SYNDIG1L: variants seen among roughly 807,000 people sequenced by gnomAD.
SYNDIG1L encodes synapse differentiation inducing 1 like.
SYNDIG1L carries 13 observed loss-of-function variants against 20.1 expected under a neutral mutation model. That is an observed-to-expected ratio of 0.65 (90% confidence interval 0.42 to 1.03). The LOEUF (loss-of-function observed/expected upper bound fraction) is 1.03. SYNDIG1L is among the 50% of genes least tolerant of loss of function. The probability of loss-of-function intolerance (pLI) is 0.00; values close to 1 mark genes in which losing one functional copy is unlikely to be tolerated. For missense variants in SYNDIG1L, 294 were observed against 305.1 expected, an observed-to-expected ratio of 0.96 and a Z score of 0.27; for synonymous variants, 128 against 129.3, an observed-to-expected ratio of 0.99 and a Z score of 0.07.
Position 74,407,487 on chromosome 14 carries a change from T to C in SYNDIG1L, c.*48A>G. On this transcript the variant is annotated 3_prime_UTR_variant, in exon 4 of 4. Coordinates refer to ENST00000331628, the MANE Select transcript of SYNDIG1L (RefSeq NM_001105579.2). ...TAGGGTCTGCAACTCCAAGCCCCAC[T>C]GCTTCCTCAGGTGGGCAGGGGAGTC... is the stretch of plus-strand genomic sequence containing the variant. The C allele has an allele frequency of 6.2e-7, 1 of 1,610,070 alleles. No individual in the cohort carries two copies.
intron 1 of SYNDIG1L, among the ~76,000 whole-genome samples, chr14:74,424,393 G>A (rs1417919611): frequency 1.3e-5 from 2 of 151,908 alleles, no homozygotes; most frequent in Non-Finnish European, 2.9e-5. Flanking sequence ...TTTTACACCC[G>A]ATTACCGAGT....
the SYNDIG1L span, chr14:74,480,019 G>A: frequency 4.1e-6 from 6 of 1,457,710 alleles, no homozygotes; most frequent in African/African-American, 7.2e-5. Context: ...AGTTAATGTT[G>A]TTAAAAAAAA....
intron 1 of SYNDIG1L, among the ~76,000 whole-genome samples, chr14:74,419,293 TC>T (rs2086202501): frequency 6.6e-6 from 1 of 152,212 alleles, no homozygotes; most frequent in Non-Finnish European, 1.5e-5. Context: ...AGCGTCTTTC[TC>T]CTTCACCAGA....
the SYNDIG1L span, among the ~76,000 whole-genome samples, chr14:74,449,438 C>CAAAAAAAAAAAAAAAAA: frequency 4.1e-4 from 14 of 34,016 alleles, 3 homozygotes; most frequent in African/African-American, 4.7e-4. Flanking sequence ...CCTGTCTTTA[C>CAAAAAAAAAAAAAAAAA]AAAAAAAAAA....
At chr14:74,476,271 C>T in the SYNDIG1L span, 10 of 603,758 alleles carry the variant, frequency 1.7e-5, no homozygotes, top group Middle Eastern at 4.4e-4. Context: ...GCTTTTTGAT[C>T]TGGCACACCC....
the SYNDIG1L span, among the ~76,000 whole-genome samples, chr14:74,466,199 TG>T: frequency 6.6e-6 from 1 of 151,970 alleles, no homozygotes. Flanking sequence ...GGTCTTGTGC[TG>T]GGGGTGGGAA....
chr14:74,440,516 TAAAA>T, the SYNDIG1L span, among the ~76,000 whole-genome samples: 1 of 97,242 alleles, frequency 1.0e-5, no homozygotes. Context: ...CTCCGTCTCA[TAAAA>T]AAAAAAAAAA....
At chr14:74,408,359 TTC>T (rs2086101794) in intron 2 of SYNDIG1L, among the ~76,000 whole-genome samples, 1 of 151,094 alleles carries the variant, frequency 6.6e-6, no homozygotes, top group Admixed American at 6.6e-5. Context: ...AGGTCAGGAG[TTC>T]GAGGCCAGCC....
chr14:74,410,976 T>C (rs773535595), intron 1 of SYNDIG1L, among the ~76,000 whole-genome samples: 1 of 152,088 alleles, frequency 6.6e-6, no homozygotes, highest in Non-Finnish European at 1.5e-5. Flanking sequence ...TTTGAGCACC[T>C]ACTGAGCACC....
chr14:74,409,680 G>T lies in SYNDIG1L; in HGVS notation c.65C>A (p.Pro22His). The T allele has an allele frequency of 6.7e-7, 1 of 1,485,816 alleles. No individual in the cohort carries two copies. The highest frequency in any genetic ancestry group is 8.9e-7 in the Non-Finnish European group (1 of 1,117,852). 92.0% of individuals were successfully genotyped at this position (1,485,816 alleles called of 1,614,324 possible). A position where few individuals can be genotyped will look rare whatever the true frequency, so the allele number is the denominator to read the frequency against. Reference protein sequence around the residue: ...LPRSPAHLHGPYPYPETPPSW... With the variant: ...LPRSPAHLHGHYPYPETPPSW... ...GGGTGGGGTCTCCGGGTAGGGATAG[G>T]GGCCATGGAGATGGGCAGGGCTCCT... Residue 22 changes from proline to histidine, a missense_variant, in exon 2 of 4, where the codon CCC (proline) becomes CAC (histidine). Pro to His is a moderately conservative substitution (Grantham distance 77, BLOSUM62 -2). Coordinates refer to ENST00000331628, the MANE Select transcript of SYNDIG1L (RefSeq NM_001105579.2).
chr14:74,423,103 C>T (rs1484613188), intron 1 of SYNDIG1L, among the ~76,000 whole-genome samples: 1 of 152,142 alleles, frequency 6.6e-6, no homozygotes, highest in Non-Finnish European at 1.5e-5. Context: ...GGTTGACTCC[C>T]TTCTTCCCTT....
chr14:74,438,356 C>T, the SYNDIG1L span, among the ~76,000 whole-genome samples: 1 of 152,178 alleles, frequency 6.6e-6, no homozygotes, highest in South Asian at 2.1e-4. Flanking sequence ...GTTCCAACTC[C>T]ACCTTAGGTA....
At chr14:74,414,392 C>T (rs1007094370) in intron 1 of SYNDIG1L, among the ~76,000 whole-genome samples, 2 of 152,180 alleles carry the variant, frequency 1.3e-5, no homozygotes, top group African/African-American at 4.8e-5. Flanking sequence ...GAGAAGGTGG[C>T]TCTGAGGCCG....
At chr14:74,422,718 C>CTTT (rs59543139) in intron 1 of SYNDIG1L, among the ~76,000 whole-genome samples, 1 of 141,406 alleles carries the variant, frequency 7.1e-6, no homozygotes, top group South Asian at 2.2e-4. Flanking sequence ...TCCTTTCTCT[C>CTTT]TTTTTTTTTT....
chr14:74,440,453 T>G, the SYNDIG1L span, among the ~76,000 whole-genome samples: 1 of 144,170 alleles, frequency 6.9e-6, no homozygotes, highest in African/African-American at 2.7e-5. Flanking sequence ...AGGTGGAGCT[T>G]GCAGTGAGCC....
At chr14:74,434,684 C>A in the SYNDIG1L span, among the ~76,000 whole-genome samples, 1 of 152,080 alleles carries the variant, frequency 6.6e-6, no homozygotes, top group Non-Finnish European at 1.5e-5. Flanking sequence ...AGTTTCTACA[C>A]AGCAAACTGG....
the SYNDIG1L span, among the ~76,000 whole-genome samples, chr14:74,467,333 G>A: frequency 6.6e-6 from 1 of 152,066 alleles, no homozygotes; most frequent in South Asian, 2.1e-4. Context: ...GTCCTGGTTG[G>A]GGGTGGAGTT....
Position 74,407,646 on chromosome 14 carries a change from G to C in SYNDIG1L, c.606C>G (p.Thr202=). The change falls in exon 4 of 4, where the codon ACC becomes ACG. Residue 202 remains threonine, a synonymous_variant. Transcript: ENST00000331628. ...TGGCTAGGAAGAGGGCCCGGCGGGA[G>C]GTGGTGCTGGCCAGGCGGAAGTCCC... is the stretch of plus-strand genomic sequence containing the variant. ...SKGDFRLAST[T]SRRALFLATL... is the part of the protein sequence containing the mutation. 6.2e-7 allele frequency: 1 copy of C among 1,613,720 alleles called. No homozygotes were observed. The highest frequency in any genetic ancestry group is 8.5e-7 in the Non-Finnish European group (1 of 1,179,830).
chr14:74,466,768 G>A, the SYNDIG1L span, among the ~76,000 whole-genome samples: 3 of 152,198 alleles, frequency 2.0e-5, no homozygotes, highest in Non-Finnish European at 4.4e-5. Context: ...GGTGGCTAAA[G>A]AGTGTGATAA....
Sources: gnomAD v4.1 joint callset for allele counts (sites outside exome capture counted in the v4.1 genomes callset) on GRCh38, gnomAD v4.1.1 for gene constraint, MANE v1.5 for transcripts, NCBI Gene and HGNC (gene_info 2026-07-23, HGNC 2026-07-21) for gene names.